The following GINM1 variants were observed in gnomAD, a reference collection of about 807,000 sequenced individuals.
GINM1 encodes the protein glycoprotein integral membrane protein 1.
GINM1 carries 29 observed loss-of-function variants against 37.8 expected under a neutral mutation model. That is an observed-to-expected ratio of 0.77 (90% CI 0.57 to 1.05). The LOEUF is 1.05. Among genes scored for constraint, GINM1 ranks in the 50% least tolerant of loss-of-function variants. GINM1 has a pLI of 0.00. For missense variants in GINM1, 377 were observed against 397.9 expected, an observed-to-expected ratio of 0.95 and a Z score of 0.45; for synonymous variants, 143 against 146.2, an observed-to-expected ratio of 0.98 and a Z score of 0.16.
At chr6:149,573,515 C>T (rs752183544) in intron 3 of GINM1, among the ~76,000 whole-genome samples, 2 of 152,044 alleles carry the variant, frequency 1.3e-5, no homozygotes, top group South Asian at 2.1e-4. Flanking sequence ...GGCTGCTTCT[C>T]GCATATTCAC....
At chr6:149,583,186 T>A (rs1778025770) in intron 7 of GINM1, among the ~76,000 whole-genome samples, 1 of 152,012 alleles carries the variant, frequency 6.6e-6, no homozygotes, top group Non-Finnish European at 1.5e-5. Flanking sequence ...AAAATTAGCC[T>A]GGACCTGGTG....
At chr6:149,567,895 C>A (rs1289925735) in intron 1 of GINM1, among the ~76,000 whole-genome samples, 1 of 152,160 alleles carries the variant, frequency 6.6e-6, no homozygotes, top group South Asian at 2.1e-4. Context: ...TCTGGAAATA[C>A]GGACATTATT....
chr6:149,586,547 A>G (rs1026522309), intron 7 of GINM1, among the ~76,000 whole-genome samples: 3 of 152,180 alleles, frequency 2.0e-5, no homozygotes, highest in Non-Finnish European at 2.9e-5. Context: ...ATGTTTTGCA[A>G]TCTAATGTTA....
intron 7 of GINM1, among the ~76,000 whole-genome samples, chr6:149,586,910 G>C (rs1300037561): frequency 1.3e-5 from 2 of 151,978 alleles, no homozygotes; most frequent in Non-Finnish European, 2.9e-5. Context: ...TCAGCCTCCT[G>C]AGTAGCTAGG....
intron 3 of GINM1, among the ~76,000 whole-genome samples, chr6:149,573,674 C>G (rs1434788799): frequency 6.6e-6 from 1 of 151,860 alleles, no homozygotes; most frequent in African/African-American, 2.4e-5. Context: ...CGAGACCAGC[C>G]CGGGCAACAT....
intron 7 of GINM1, among the ~76,000 whole-genome samples, chr6:149,590,496 C>T (rs1778138400): frequency 6.6e-6 from 1 of 152,138 alleles, no homozygotes; most frequent in Non-Finnish European, 1.5e-5. Context: ...CTATTCTTCC[C>T]TAAAATAGGA....
Position 149,586,236 on chromosome 6 carries a change from C to T in GINM1, c.881+3633C>T, listed in dbSNP as rs77860211. ...TCAGGCTGCTTCCACTCAGCAGCTT[C>T]GCAAGGCAAAGCATGTGCAGAGATC... is the stretch of plus-strand genomic sequence containing the variant. On this transcript the variant is annotated intron_variant, in intron 7 of 7. Transcript: ENST00000367419. Among the ~76,000 whole-genome samples the T allele has an allele frequency of 1.9e-3, 282 of 152,236 alleles. 2 individuals carry two copies. The highest frequency in any genetic ancestry group is 6.5e-3 in the African/African-American group (270 of 41,534).
At chr6:149,571,689 C>T (rs796976335) in intron 1 of GINM1, among the ~76,000 whole-genome samples, 14 of 152,106 alleles carry the variant, frequency 9.2e-5, no homozygotes, top group African/African-American at 3.1e-4. Context: ...TATATTTTAT[C>T]CTCGGTGGTA....
chr6:149,572,309 A>G lies in GINM1; in HGVS notation c.145A>G (p.Thr49Ala). Residue 49 changes from threonine (T) to alanine (A), a missense_variant, in exon 2 of 8, where the codon ACA becomes GCA. By Grantham distance (58) the Thr-to-Ala change is moderately conservative (BLOSUM62 0). Coordinates refer to ENST00000367419, the MANE Select transcript of GINM1 (RefSeq NM_138785.5). ...PQDGIRINVTTLKDDGDISKQ... is the reference protein window; with the variant it reads ...PQDGIRINVTALKDDGDISKQ... The stretch of plus-strand genomic sequence containing the variant: ...GGACGGCATCAGAATTAATGTAACT[A>G]CACTGAAAGATGATGGGGACATATC... 3.7e-6 allele frequency: 6 copies of G among 1,600,446 alleles called. No homozygotes were observed. The highest frequency in any genetic ancestry group is 5.1e-6 in the Non-Finnish European group (6 of 1,173,840).
chr6:149,579,973 C>G lies in GINM1; in HGVS notation c.569C>G (p.Pro190Arg). ...GACAGTGACATTTTATTTACCCTTC[C>G]TAACCTCTCCAAAAAAGGTAACTTA... is the stretch of plus-strand genomic sequence containing the variant. ...SRDSDILFTL[P>R]NLSKKESVSS... Residue 190 changes from proline to arginine, a missense_variant, in exon 5 of 8, where the codon CCT becomes CGT. Coordinates refer to ENST00000367419, the MANE Select transcript of GINM1 (RefSeq NM_138785.5). 6.3e-7 allele frequency: 1 copy of G among 1,588,498 alleles called. No individual in the cohort carries two copies. Among genetic ancestry groups the G allele is most frequent in the Non-Finnish European group, 8.6e-7 (1 of 1,169,490 alleles).
chr6:149,567,588 C>CCGAGAT (rs1188900575), intron 1 of GINM1, among the ~76,000 whole-genome samples: 1 of 152,080 alleles, frequency 6.6e-6, no homozygotes, highest in Non-Finnish European at 1.5e-5. Flanking sequence ...TTGCAGTGAG[C>CCGAGAT]CGAGATCGTG....
At chr6:149,585,759 A>AT (rs1489535173) in intron 7 of GINM1, among the ~76,000 whole-genome samples, 1 of 151,806 alleles carries the variant, frequency 6.6e-6, no homozygotes, top group Non-Finnish European at 1.5e-5. Context: ...CGCCCAGCTA[A>AT]TTTTTTGTAT....
At chr6:149,585,070 C>T (rs1035059187) in intron 7 of GINM1, among the ~76,000 whole-genome samples, 1 of 152,144 alleles carries the variant, frequency 6.6e-6, no homozygotes, top group Non-Finnish European at 1.5e-5. Context: ...TGTAGTTTAA[C>T]AGATTTCTTT....
chr6:149,590,829 A>G lies in GINM1; in HGVS notation c.984A>G (p.Thr328=), dbSNP rs747160472. ...EKRAENLEDK[T]CI Reference sequence around the variant, plus strand: ...GAGCTGAAAACCTTGAAGATAAAACATGTATTTAAAACGCCATCTCATATC... The same window carrying G: ...GAGCTGAAAACCTTGAAGATAAAACGTGTATTTAAAACGCCATCTCATATC... The change falls in exon 8 of 8, where the codon ACA becomes ACG. Residue 328 remains threonine (T), a synonymous_variant. Transcript: ENST00000367419. 2.0e-6 allele frequency: 3 copies of G among 1,534,668 alleles called. No homozygotes were observed. The highest frequency in any genetic ancestry group is 2.7e-5 in the African/African-American group (2 of 73,232).
At chr6:149,575,851 A>G (rs34520031) in intron 3 of GINM1, among the ~76,000 whole-genome samples, 3 of 152,196 alleles carry the variant, frequency 2.0e-5, no homozygotes, top group Non-Finnish European at 2.9e-5. Flanking sequence ...TCTTATGGCC[A>G]TCTTTTAGTC....
chr6:149,582,964 G>C (rs1413393161), intron 7 of GINM1, among the ~76,000 whole-genome samples: 1 of 114,672 alleles, frequency 8.7e-6, no homozygotes, highest in African/African-American at 5.0e-5. Flanking sequence ...CAACCCCAGA[G>C]TATCAGTTTA....
chr6:149,567,701 G>A (rs950305289), intron 1 of GINM1, among the ~76,000 whole-genome samples: 1 of 152,168 alleles, frequency 6.6e-6, no homozygotes, highest in Non-Finnish European at 1.5e-5. Context: ...TACCCCACGT[G>A]GGTACAAAAA....
chr6:149,578,648 G>T (rs1230257657), intron 3 of GINM1, among the ~76,000 whole-genome samples, 174 bp from the exon 4 acceptor site: 1 of 151,844 alleles, frequency 6.6e-6, no homozygotes, highest in South Asian at 2.1e-4. Flanking sequence ...AGATTTGTCA[G>T]ATTGTCTTTG....
At chr6:149,573,061 G>A (rs780096706) in intron 3 of GINM1, among the ~76,000 whole-genome samples, 28 of 152,068 alleles carry the variant, frequency 1.8e-4, no homozygotes, top group Non-Finnish European at 3.4e-4. Context: ...AGTGGCTCAC[G>A]CCTGTAATCC....
Sources: gnomAD v4.1 joint callset for allele counts (sites outside exome capture counted in the v4.1 genomes callset) on GRCh38, gnomAD v4.1.1 for gene constraint, MANE v1.5 for transcripts, NCBI Gene and HGNC (gene_info 2026-07-23, HGNC 2026-07-21) for gene names.